The following ASIC5 variants were observed in gnomAD, a reference collection of about 807,000 sequenced individuals.
ASIC5 encodes acid sensing ion channel subunit family member 5, also known as bile acid-sensitive ion channel.
Under a neutral mutation model 51.2 loss-of-function variants are expected in ASIC5, and 52 were observed. The observed-to-expected ratio is 1.02, with a 90% CI of 0.81 to 1.28. The LOEUF (loss-of-function observed/expected upper bound fraction) is 1.28. ASIC5 is among the 50% of genes most tolerant of loss of function. The pLI is 0.00. For synonymous variants in ASIC5, 231 were observed against 200.7 expected (o/e 1.15, Z -1.28); for missense variants, 635 against 595.0 (o/e 1.07, Z -0.70).
At chr4:155,842,518 A>G (rs951904711) in intron 5 of ASIC5, among the ~76,000 whole-genome samples, 164 bp from the exon 6 acceptor site, 1 of 152,130 alleles carries the variant, frequency 6.6e-6, no homozygotes. Flanking sequence ...TTGACCTGAA[A>G]TTCCCTGAAG....
chr4:155,863,600 C>A lies in ASIC5; in HGVS notation c.195G>T (p.Trp65Cys). Residue 65 changes from tryptophan to cysteine, a missense_variant, in exon 2 of 10, where the codon TGG becomes TGT. Trp to Cys is a radical substitution (Grantham distance 215, BLOSUM62 -2). Transcript: ENST00000537611. The part of the protein sequence containing the change: ...QNRSKIRRVL[W>C]LVVVLGSVSL... The stretch of plus-strand genomic sequence containing the variant: ...AGACTGAGCCCAGAACCACCACCAA[C>A]CAGAGCACCCTGCGAATTTTGCTCC... The A allele has an allele frequency of 6.2e-7, 1 of 1,613,810 alleles. No individual in the cohort carries two copies. Among genetic ancestry groups the A allele is most frequent in the Non-Finnish European group, 8.5e-7 (1 of 1,179,906 alleles).
Position 155,854,040 on chromosome 4 carries a change from T to C in ASIC5, c.585+37A>G, listed in dbSNP as rs142119273. Reference sequence around the variant, plus strand: ...TGAAACAGTGCAGTAACGGAACTTATTACTTTGATTATATTTGAAGAATAG... The same window carrying C: ...TGAAACAGTGCAGTAACGGAACTTACTACTTTGATTATATTTGAAGAATAG... On this transcript the variant is annotated intron_variant, in intron 3 of 9. Transcript: ENST00000537611. 4.4e-4 allele frequency: 647 copies of C among 1,472,412 alleles called. 2 individuals carry two copies. The African/African-American group carries it at 5.1e-3, about 12-fold the overall frequency. The allele number at this position is 1,472,412 out of a possible 1,614,324, so 91.2% of individuals were successfully genotyped here. A position where few individuals can be genotyped will look rare whatever the true frequency, so the allele number is the denominator to read the frequency against.
chr4:155,850,283 T>A lies in ASIC5; in HGVS notation c.711+1908A>T, dbSNP rs941639345. Among the ~76,000 whole-genome samples, 3 of 152,100 alleles carry A rather than the reference T, an allele frequency of 2.0e-5. No homozygotes were observed. In the East Asian group the frequency reaches 5.8e-4, roughly 30 times the overall value. On this transcript the variant is annotated intron_variant, in intron 4 of 9. Coordinates refer to ENST00000537611, the MANE Select transcript of ASIC5 (RefSeq NM_017419.3). ...AGAAACTCAAAAAAAATGCAACCAT[T>A]TGTCTCTCACCTACCTATGACCTTG... is the stretch of plus-strand genomic sequence containing the variant.
At chr4:155,831,567 C>T (rs538221132) in intron 9 of ASIC5, among the ~76,000 whole-genome samples, 29 of 152,198 alleles carry the variant, frequency 1.9e-4, no homozygotes, top group Non-Finnish European at 3.1e-4. Flanking sequence ...GTCAGGAGAT[C>T]GAGACCATCC....
At chr4:155,839,052 T>C (rs375120468) in intron 6 of ASIC5, among the ~76,000 whole-genome samples, 183 bp from the exon 7 acceptor site, 2 of 152,144 alleles carry the variant, frequency 1.3e-5, no homozygotes, top group East Asian at 3.9e-4. Flanking sequence ...AGTGAAAATA[T>C]GTGTTGGGAG....
intron 4 of ASIC5, 47 bp downstream of exon 4, chr4:155,852,144 A>AC: frequency 6.2e-7 from 1 of 1,604,890 alleles, no homozygotes; most frequent in South Asian, 1.1e-5. Flanking sequence ...AGTTTTTGAA[A>AC]CCCCCACACA....
chr4:155,863,819 G>GT, intron 1 of ASIC5, 65 bp from the exon 2 acceptor site: 1 of 1,254,440 alleles, frequency 8.0e-7, no homozygotes, highest in Non-Finnish European at 1.1e-6. Flanking sequence ...AATGCTATCC[G>GT]TAAAAAAACA....
At chr4:155,839,339 C>T (rs1031201712) in intron 6 of ASIC5, among the ~76,000 whole-genome samples, 2 of 90,634 alleles carry the variant, frequency 2.2e-5, no homozygotes, top group African/African-American at 7.8e-5. Flanking sequence ...CCTGCTCCCT[C>T]TATCCATTTA....
intron 2 of ASIC5, among the ~76,000 whole-genome samples, chr4:155,856,560 C>A (rs1330556872): frequency 6.6e-6 from 1 of 152,092 alleles, no homozygotes; most frequent in African/African-American, 2.4e-5. Flanking sequence ...GATTCCAAGG[C>A]ACTATTGGTC....
In ASIC5 at chr4:155,843,917, A is replaced by G; in HGVS notation, c.712-87T>C. 14 of 1,227,418 alleles carry G rather than the reference A, an allele frequency of 1.1e-5. 1 individual carries two copies. The Admixed American group carries it at 2.4e-4, about 21-fold the overall frequency. The allele number at this position is 1,227,418 out of a possible 1,614,324, so 76.0% of individuals were successfully genotyped here. ...TAGGATTTAGTTTTATCATCTCATG[A>G]TAGCGTTTGACTAATCCTAAATATT... On this transcript the variant is annotated intron_variant, in intron 4 of 9. Coordinates refer to ENST00000537611, the MANE Select transcript of ASIC5 (RefSeq NM_017419.3).
intron 4 of ASIC5, among the ~76,000 whole-genome samples, chr4:155,846,875 TA>T (rs1194397853): frequency 1.3e-5 from 2 of 152,100 alleles, no homozygotes; most frequent in African/African-American, 4.8e-5. Context: ...GTGTGTCCTT[TA>T]TAAAAAAACA....
At chr4:155,864,299 G>A (rs1741802659) in intron 1 of ASIC5, among the ~76,000 whole-genome samples, 1 of 152,066 alleles carries the variant, frequency 6.6e-6, no homozygotes, top group Admixed American at 6.6e-5. Context: ...TAGTCAGAAT[G>A]TTCAGTGTTC....
chr4:155,842,906 G>T (rs1390928364), intron 5 of ASIC5, among the ~76,000 whole-genome samples: 2 of 152,038 alleles, frequency 1.3e-5, no homozygotes, highest in Admixed American at 6.6e-5. Flanking sequence ...GAGTCCTGCT[G>T]GTAGGTTTCC....
chr4:155,856,286 G>A (rs1289249855), intron 2 of ASIC5, among the ~76,000 whole-genome samples: 3 of 151,872 alleles, frequency 2.0e-5, no homozygotes, highest in African/African-American at 7.3e-5. Context: ...ATCTTTAGGG[G>A]GCCAACACCC....
intron 2 of ASIC5, among the ~76,000 whole-genome samples, chr4:155,855,581 G>A (rs1741514841): frequency 1.3e-5 from 2 of 151,566 alleles, no homozygotes; most frequent in Admixed American, 6.6e-5. Context: ...GGCATAGAAC[G>A]GAATGCATAT....
At chr4:155,861,167 T>C (rs1165632472) in intron 2 of ASIC5, among the ~76,000 whole-genome samples, 1 of 151,992 alleles carries the variant, frequency 6.6e-6, no homozygotes, top group African/African-American at 2.4e-5. Context: ...TATATGGCCT[T>C]GTATATGGTC....
Position 155,843,618 on chromosome 4 carries a change from G to T in ASIC5, c.861+63C>A. On this transcript the variant is annotated intron_variant, in intron 5 of 9. Coordinates refer to ENST00000537611, the MANE Select transcript of ASIC5 (RefSeq NM_017419.3). ...GGGAGAAAGGAATTTCTAGTGAAAA[G>T]CATTACTTATGTGTTTGATGCATTC... 3.9e-6 allele frequency: 6 copies of T among 1,538,982 alleles called. 1 individual carries two copies. In the South Asian group the frequency reaches 5.9e-5, roughly 15 times the overall value.
chr4:155,835,332 A>C (rs1441688206), intron 8 of ASIC5, among the ~76,000 whole-genome samples: 1 of 151,956 alleles, frequency 6.6e-6, no homozygotes, highest in East Asian at 1.9e-4. Flanking sequence ...GGGGATACCG[A>C]ACAGGCGAGC....
At chr4:155,855,612 G>A (rs889293224) in intron 2 of ASIC5, among the ~76,000 whole-genome samples, 2 of 151,366 alleles carry the variant, frequency 1.3e-5, no homozygotes, top group African/African-American at 4.8e-5. Flanking sequence ...GTAAGTATAT[G>A]GTGTATGTGG....
Sources: gnomAD v4.1 joint callset for allele counts (sites outside exome capture counted in the v4.1 genomes callset) on GRCh38, gnomAD v4.1.1 for gene constraint, MANE v1.5 for transcripts, NCBI Gene and HGNC (gene_info 2026-07-23, HGNC 2026-07-21) for gene names.